CDK19: variants seen among roughly 807,000 people sequenced by gnomAD.
CDK19 encodes the protein cyclin-dependent kinase 19.
In CDK19, 20 loss-of-function variants were observed where a neutral mutation model predicts 68.3. The ratio of observed to expected loss-of-function variants is 0.29; its 90% confidence interval spans 0.21 to 0.43. The LOEUF (loss-of-function observed/expected upper bound fraction) is 0.43. CDK19 is among the 20% of genes least tolerant of loss of function. The pLI, the probability that CDK19 is intolerant of heterozygous loss-of-function variation, is 1.00. For missense variants in CDK19, 339 were observed against 623.5 expected, an observed-to-expected ratio of 0.54 and a Z score of 4.86; for synonymous variants, 221 against 222.8, an observed-to-expected ratio of 0.99 and a Z score of 0.07.
intron 2 of CDK19, among the ~76,000 whole-genome samples, chr6:110,717,692 CTTTG>C (rs1211462979): frequency 6.6e-6 from 1 of 152,030 alleles, no homozygotes; most frequent in Non-Finnish European, 1.5e-5. Flanking sequence ...AGATTAGTGC[CTTTG>C]TTTTTTTGTT....
intron 1 of CDK19, among the ~76,000 whole-genome samples, chr6:110,755,522 C>T (rs774346868): frequency 6.6e-6 from 1 of 151,960 alleles, no homozygotes; most frequent in African/African-American, 2.4e-5. Context: ...GAGTGGGTCC[C>T]GAGAGATAAG....
intron 2 of CDK19, among the ~76,000 whole-genome samples, chr6:110,726,727 G>C (rs911706294): frequency 1.3e-5 from 2 of 152,158 alleles, no homozygotes; most frequent in African/African-American, 4.8e-5. Flanking sequence ...GGCCTACAGA[G>C]AGCTGGGCTT....
chr6:110,807,011 A>G (rs2115138952), intron 1 of CDK19, among the ~76,000 whole-genome samples: 1 of 151,442 alleles, frequency 6.6e-6, no homozygotes, highest in South Asian at 2.1e-4. Context: ...AATAAAAATA[A>G]AAATAGGGCC....
At chr6:110,694,427 A>G (rs1222446314) in intron 2 of CDK19, among the ~76,000 whole-genome samples, 2 of 152,268 alleles carry the variant, frequency 1.3e-5, no homozygotes, top group East Asian at 3.8e-4. Context: ...CGGACATTAT[A>G]TAATGATAAA....
At chr6:110,644,698 C>T (rs1305419704) in intron 4 of CDK19, among the ~76,000 whole-genome samples, 1 of 152,058 alleles carries the variant, frequency 6.6e-6, no homozygotes, top group Non-Finnish European at 1.5e-5. Context: ...TTGCCCCCGA[C>T]CATGGAACAG....
chr6:110,623,913 A>ATATATATACG (rs1778919060), intron 8 of CDK19, among the ~76,000 whole-genome samples: 3 of 144,446 alleles, frequency 2.1e-5, no homozygotes, highest in African/African-American at 8.0e-5. Context: ...ATATATACGT[A>ATATATATACG]TATATATATA....
chr6:110,704,843 G>C (rs571664057), intron 2 of CDK19, among the ~76,000 whole-genome samples: 1 of 152,148 alleles, frequency 6.6e-6, no homozygotes, highest in South Asian at 2.1e-4. Context: ...GAGGGAGGGA[G>C]AATAGGACCT....
Position 110,815,241 on chromosome 6 carries a change from T to TTGCG in CDK19, c.-106_-105insCGCA. The TTGCG allele has an allele frequency of 1.8e-6, 2 of 1,130,256 alleles. No individual in the cohort carries two copies. The highest frequency in any genetic ancestry group is 2.2e-6 in the Non-Finnish European group (2 of 901,348). 70.0% of individuals were successfully genotyped at this position (1,130,256 alleles called of 1,614,324 possible). On this transcript the variant is annotated 5_prime_UTR_variant, in exon 1 of 13. Transcript: ENST00000368911. ...GCTCCACTTCTCCAACAGCCGCCTCTCGCGCGCGCGCGCGCGCCGCCCGCC... is the reference window on the plus strand; with the variant it reads ...GCTCCACTTCTCCAACAGCCGCCTCTTGCGCGCGCGCGCGCGCGCGCCGCCCGCC...
chr6:110,730,150 C>T (rs1012394740), intron 2 of CDK19, among the ~76,000 whole-genome samples: 1 of 152,168 alleles, frequency 6.6e-6, no homozygotes, highest in African/African-American at 2.4e-5. Context: ...ATTTATTATA[C>T]TCCAATTGGA....
At chr6:110,643,061 T>C (rs1780310285) in intron 4 of CDK19, 1 of 465,022 alleles carries the variant, frequency 2.2e-6, no homozygotes, top group South Asian at 2.2e-5. Context: ...ACACTGAGCC[T>C]TGGGCCACCA....
chr6:110,753,546 A>C, intron 1 of CDK19, among the ~76,000 whole-genome samples: 1 of 134,330 alleles, frequency 7.4e-6, no homozygotes. Flanking sequence ...CCACACCTGG[A>C]TTTTTTTTTT....
At chr6:110,780,633 T>A (rs1780744012) in intron 1 of CDK19, among the ~76,000 whole-genome samples, 1 of 152,092 alleles carries the variant, frequency 6.6e-6, no homozygotes, top group African/African-American at 2.4e-5. Context: ...GAGAAGGCAA[T>A]GGAGAACATT....
At chr6:110,792,639 T>G (rs1781681867) in intron 1 of CDK19, among the ~76,000 whole-genome samples, 1 of 152,192 alleles carries the variant, frequency 6.6e-6, no homozygotes, top group Admixed American at 6.5e-5. Context: ...ACTCCTGACC[T>G]CAGGTGATCC....
At chr6:110,764,887 G>T (rs548836373) in intron 1 of CDK19, among the ~76,000 whole-genome samples, 157 of 151,626 alleles carry the variant, frequency 1.0e-3, no homozygotes, top group African/African-American at 3.7e-3. Context: ...GGAGTCAGAG[G>T]TTGCAGTGAG....
At chr6:110,637,833 T>G (rs1188741653) in intron 5 of CDK19, among the ~76,000 whole-genome samples, 1 of 152,002 alleles carries the variant, frequency 6.6e-6, no homozygotes, top group Non-Finnish European at 1.5e-5. Flanking sequence ...CACAAAAAAA[T>G]TAGCCAGGCG....
chr6:110,777,248 A>C (rs1315955102), intron 1 of CDK19, among the ~76,000 whole-genome samples: 2 of 152,220 alleles, frequency 1.3e-5, no homozygotes, highest in Non-Finnish European at 2.9e-5. Context: ...AAAGAATTAG[A>C]ACTTTTTCAA....
intron 5 of CDK19, among the ~76,000 whole-genome samples, chr6:110,633,954 A>G (rs555989050): frequency 1.3e-3 from 202 of 152,358 alleles, no homozygotes; most frequent in Middle Eastern, 3.4e-3. Context: ...CAAATTATAC[A>G]TATGATAATT....
At chr6:110,743,349 A>G (rs149817851) in intron 2 of CDK19, among the ~76,000 whole-genome samples, 82 of 152,278 alleles carry the variant, frequency 5.4e-4, no homozygotes, top group African/African-American at 1.9e-3. Flanking sequence ...CAATAAGAAT[A>G]TGAAGGCTAT....
chr6:110,782,410 T>A (rs1045925213), intron 1 of CDK19, among the ~76,000 whole-genome samples: 1 of 152,136 alleles, frequency 6.6e-6, no homozygotes, highest in Non-Finnish European at 1.5e-5. Flanking sequence ...CTGCACCTTT[T>A]CTACCCCCAC....
Sources: gnomAD v4.1 joint callset for allele counts (sites outside exome capture counted in the v4.1 genomes callset) on GRCh38, gnomAD v4.1.1 for gene constraint, MANE v1.5 for transcripts, NCBI Gene and HGNC (gene_info 2026-07-23, HGNC 2026-07-21) for gene names.